Variants in SCAPER observed in about 807,000 individuals in gnomAD.
SCAPER encodes S-phase cyclin A associated protein in the ER, also known as S phase cyclin A-associated protein in the endoplasmic reticulum.
A neutral mutation model predicts 182.2 loss-of-function variants in SCAPER; 98 were observed. The observed-to-expected ratio is 0.54, with a 90% CI of 0.46 to 0.64. The LOEUF (loss-of-function observed/expected upper bound fraction) is 0.64, where lower values mean the gene tolerates loss of function less well. Among genes scored for constraint, SCAPER ranks in the 30% least tolerant of loss-of-function variants. SCAPER has a pLI of 0.00. For missense variants in SCAPER, 1,432 were observed against 1,690.0 expected, an observed-to-expected ratio of 0.85 and a Z score of 2.68; for synonymous variants, 605 against 564.6, an observed-to-expected ratio of 1.07 and a Z score of -1.01.
intron 21 of SCAPER, among the ~76,000 whole-genome samples, chr15:76,623,577 G>C (rs903866972): frequency 7.2e-5 from 11 of 152,000 alleles, no homozygotes; most frequent in African/African-American, 2.2e-4. Flanking sequence ...ATTATTTCTG[G>C]GTTCTCTGTT....
At chr15:76,835,363 T>C (rs1216470541) in intron 5 of SCAPER, among the ~76,000 whole-genome samples, 4 of 152,194 alleles carry the variant, frequency 2.6e-5, no homozygotes, top group Non-Finnish European at 4.4e-5. Flanking sequence ...AAGTAGGCTT[T>C]ATTCCTGAGA....
At chr15:76,713,047 C>T (rs1220279414) in intron 17 of SCAPER, among the ~76,000 whole-genome samples, 1 of 152,042 alleles carries the variant, frequency 6.6e-6, no homozygotes, top group Non-Finnish European at 1.5e-5. Context: ...CCAGTTTTTG[C>T]CCATTCAGTA....
chr15:76,545,459 G>C (rs1285975672), intron 23 of SCAPER, among the ~76,000 whole-genome samples: 2 of 152,040 alleles, frequency 1.3e-5, no homozygotes, highest in Non-Finnish European at 2.9e-5. Context: ...TAGTGTACAT[G>C]GTTAGAAAAC....
chr15:76,461,142 A>G (rs1392485525), intron 25 of SCAPER, among the ~76,000 whole-genome samples: 1 of 152,008 alleles, frequency 6.6e-6, no homozygotes, highest in East Asian at 1.9e-4. Flanking sequence ...GTTTTCTCAT[A>G]ATTTGATGGT....
chr15:76,684,940 C>T (rs569656786), intron 20 of SCAPER, among the ~76,000 whole-genome samples: 10 of 151,330 alleles, frequency 6.6e-5, no homozygotes, highest in Non-Finnish European at 5.9e-5. Flanking sequence ...CCAAAGATGA[C>T]GCAAAAAAGG....
intron 5 of SCAPER, among the ~76,000 whole-genome samples, chr15:76,818,604 G>T (rs1429592457): frequency 6.6e-6 from 1 of 152,214 alleles, no homozygotes; most frequent in Non-Finnish European, 1.5e-5. Context: ...ACAATAAGGG[G>T]GGTGGAGCCA....
At chr15:76,554,625 C>G (rs2046045688) in intron 23 of SCAPER, among the ~76,000 whole-genome samples, 1 of 151,302 alleles carries the variant, frequency 6.6e-6, no homozygotes, top group South Asian at 2.1e-4. Context: ...GGCTATTTTT[C>G]ATGTCTCCAA....
chr15:76,381,346 G>C, intron 28 of SCAPER, 32 bp downstream of exon 28: 1 of 1,559,666 alleles, frequency 6.4e-7, no homozygotes, highest in African/African-American at 1.4e-5. Flanking sequence ...ACTCTTGATT[G>C]GTTAACATCG....
intron 25 of SCAPER, among the ~76,000 whole-genome samples, chr15:76,439,166 T>C (rs1429498457): frequency 2.0e-5 from 3 of 152,158 alleles, no homozygotes; most frequent in Middle Eastern, 3.4e-3. Flanking sequence ...GCTCACTGTA[T>C]TCTCCACCTC....
chr15:76,884,403 G>T (rs958840460), intron 1 of SCAPER, among the ~76,000 whole-genome samples: 1 of 152,044 alleles, frequency 6.6e-6, no homozygotes, highest in African/African-American at 2.4e-5. Flanking sequence ...ATTACATAAG[G>T]CTGTAAGTAC....
At chr15:76,726,035 A>G (rs1237745968) in intron 17 of SCAPER, among the ~76,000 whole-genome samples, 1 of 148,866 alleles carries the variant, frequency 6.7e-6, no homozygotes, top group Non-Finnish European at 1.5e-5. Context: ...TTGTTCTTCA[A>G]TAGACAATAT....
In SCAPER at chr15:76,511,871, GTA is replaced by G. The variant is rs1314946833; in HGVS notation, c.2839-6899_2839-6898del. On this transcript the variant is annotated intron_variant, in intron 23 of 31. Transcript: ENST00000563290. Reference sequence around the variant, plus strand: ...TGTGTGTGTGTGTGTGTGTGTGTGTGTATATATATATATATTTTTTTTTTTTT... The same window carrying G: ...TGTGTGTGTGTGTGTGTGTGTGTGTGTATATATATATATTTTTTTTTTTTT... Among the ~76,000 whole-genome samples the G allele has an allele frequency of 6.6e-3, 669 of 100,624 alleles. 14 individuals carry two copies. The highest frequency in any genetic ancestry group is 0.024 in the African/African-American group (574 of 24,238). 66.0% of individuals were successfully genotyped at this position (100,624 alleles called of 152,430 possible).
rs568369092 is a variant in SCAPER, at chr15:76,472,939, C to A, written c.2955-1604G>T. On this transcript the variant is annotated intron_variant, in intron 24 of 31. Transcript: ENST00000563290. ...AACATAGACTTAACTCCCTTAAACCCAAACTCTGTTGGGCCCTGACCCTCC... is the reference window on the plus strand; with the variant it reads ...AACATAGACTTAACTCCCTTAAACCAAAACTCTGTTGGGCCCTGACCCTCC... Among the ~76,000 whole-genome samples, 133 of 152,250 alleles carry A rather than the reference C, an allele frequency of 8.7e-4. 1 individual carries two copies. The highest frequency in any genetic ancestry group is 3.4e-3 in the Middle Eastern group (1 of 294).
intron 23 of SCAPER, among the ~76,000 whole-genome samples, chr15:76,553,727 C>T (rs898526264): frequency 1.3e-5 from 2 of 151,774 alleles, no homozygotes; most frequent in Non-Finnish European, 2.9e-5. Context: ...TGAGCCTTGG[C>T]CCTTTGAAAT....
At position 76,800,202 on chromosome 15, in the gene SCAPER, A is replaced by G. The variant is rs1223783436; in HGVS notation, c.611+46T>C. 8 of 1,045,352 alleles carry G rather than the reference A, an allele frequency of 7.7e-6. No homozygotes were observed. The East Asian group carries it at 2.0e-4, about 26-fold the overall frequency. The allele number at this position is 1,045,352 out of a possible 1,614,324, so 64.8% of individuals were successfully genotyped here. On this transcript the variant is annotated intron_variant, in intron 7 of 31. Coordinates refer to ENST00000563290, the MANE Select transcript of SCAPER (RefSeq NM_020843.4). ...ATCATAATACTATAATAACTAAGAA[A>G]ATAATTTAATGCAAGTCTTAGTAGT...
chr15:76,720,771 G>A (rs1181113828), intron 17 of SCAPER, among the ~76,000 whole-genome samples: 7 of 151,858 alleles, frequency 4.6e-5, no homozygotes, highest in Non-Finnish European at 7.4e-5. Flanking sequence ...CTTTTTGATG[G>A]GGTTGTTTTT....
intron 10 of SCAPER, among the ~76,000 whole-genome samples, chr15:76,769,214 G>A (rs571360675): frequency 4.0e-5 from 6 of 151,534 alleles, no homozygotes; most frequent in South Asian, 2.1e-4. Context: ...AGGCCGAGGC[G>A]GGTGGATCAC....
intron 17 of SCAPER, among the ~76,000 whole-genome samples, chr15:76,723,337 T>C (rs141501622): frequency 0.012 from 1,810 of 152,212 alleles, 22 homozygotes; most frequent in African/African-American, 0.04. Context: ...CTGAGGAGTG[T>C]TTTACTTCCA....
chr15:76,660,433 C>T (rs1382405137), intron 21 of SCAPER, among the ~76,000 whole-genome samples: 4 of 152,102 alleles, frequency 2.6e-5, no homozygotes, highest in Admixed American at 2.0e-4. Context: ...AAAAGGTGTG[C>T]TCCCCTCTTC....
Sources: gnomAD v4.1 joint callset for allele counts (sites outside exome capture counted in the v4.1 genomes callset) on GRCh38, gnomAD v4.1.1 for gene constraint, MANE v1.5 for transcripts, NCBI Gene and HGNC (gene_info 2026-07-23, HGNC 2026-07-21) for gene names.